LAMC1: variants seen among roughly 807,000 people sequenced by gnomAD.
LAMC1 encodes the protein laminin subunit gamma-1.
Under a neutral mutation model 173.6 loss-of-function variants are expected in LAMC1, and 38 were observed. That is an observed-to-expected ratio of 0.22 (90% CI 0.17 to 0.29). The LOEUF is 0.29. LAMC1 is among the 10% of genes least tolerant of loss of function. The pLI, the probability that LAMC1 is intolerant of heterozygous loss-of-function variation, is 1.00. For missense variants in LAMC1, 1,824 were observed against 2,051.8 expected, an observed-to-expected ratio of 0.89 and a Z score of 2.14; for synonymous variants, 746 against 749.1, an observed-to-expected ratio of 1.00 and a Z score of 0.07.
At chr1:183,055,946 AAG>A (rs1558034460) in intron 1 of LAMC1, among the ~76,000 whole-genome samples, 1 of 152,220 alleles carries the variant, frequency 6.6e-6, no homozygotes. Context: ...CACCTTTTGG[AAG>A]AGAGAGATTA....
chr1:183,077,026 C>T (rs563042450), intron 1 of LAMC1, among the ~76,000 whole-genome samples: 42 of 152,268 alleles, frequency 2.8e-4, no homozygotes, highest in African/African-American at 7.9e-4. Flanking sequence ...GCCAAGATTG[C>T]GTTTCATGAG....
intron 1 of LAMC1, among the ~76,000 whole-genome samples, chr1:183,072,307 G>GT (rs1373550650): frequency 6.6e-6 from 1 of 152,168 alleles, no homozygotes; most frequent in East Asian, 1.9e-4. Flanking sequence ...TCAAGTGTTC[G>GT]TTGCAGGGTC....
chr1:183,113,043 G>A (rs1294294694), intron 4 of LAMC1, among the ~76,000 whole-genome samples: 1 of 152,188 alleles, frequency 6.6e-6, no homozygotes, highest in Non-Finnish European at 1.5e-5. Flanking sequence ...AGGCATGGTG[G>A]CATGTGCCTG....
chr1:183,126,361 A>G, intron 16 of LAMC1, 99 bp downstream of exon 16: 8 of 1,265,016 alleles, frequency 6.3e-6, no homozygotes, highest in Non-Finnish European at 7.8e-6. Context: ...TAGCCACTTG[A>G]CTCATAGTCA....
chr1:183,057,105 C>T (rs1390933185), intron 1 of LAMC1, among the ~76,000 whole-genome samples: 4 of 152,142 alleles, frequency 2.6e-5, no homozygotes, highest in East Asian at 1.9e-4. Flanking sequence ...AAATGCAATC[C>T]GTATTGAGAT....
At chr1:183,075,768 C>G (rs1318200101) in intron 1 of LAMC1, among the ~76,000 whole-genome samples, 1 of 152,174 alleles carries the variant, frequency 6.6e-6, no homozygotes, top group African/African-American at 2.4e-5. Context: ...TAGCCCATTT[C>G]AAGTGTTGTG....
chr1:183,069,179 T>G (rs1362084797), intron 1 of LAMC1, among the ~76,000 whole-genome samples: 1 of 152,202 alleles, frequency 6.6e-6, no homozygotes, highest in Non-Finnish European at 1.5e-5. Flanking sequence ...TTGTCAGGAC[T>G]CTGGGTCCAT....
intron 1 of LAMC1, 33 bp downstream of exon 1, chr1:183,024,167 C>T: frequency 6.6e-7 from 1 of 1,508,232 alleles, no homozygotes; most frequent in Non-Finnish European, 8.9e-7. Flanking sequence ...CCTGCTACTG[C>T]TCGCCAGCAG....
intron 13 of LAMC1, among the ~76,000 whole-genome samples, chr1:183,123,133 A>T (rs1437382288): frequency 1.3e-5 from 2 of 152,126 alleles, no homozygotes; most frequent in Non-Finnish European, 2.9e-5. Context: ...ATCTTAGTAA[A>T]TATGCTGCCA....
chr1:183,138,363 A>G (rs1299096393), intron 26 of LAMC1: 2 of 188,736 alleles, frequency 1.1e-5, no homozygotes, highest in African/African-American at 4.8e-5. Flanking sequence ...GGATGGCCCA[A>G]GGAAGAACTA....
intron 8 of LAMC1, 30 bp from the exon 9 acceptor site, chr1:183,117,290 A>G: frequency 1.3e-6 from 2 of 1,590,946 alleles, no homozygotes; most frequent in Non-Finnish European, 1.7e-6. Flanking sequence ...TACAGTGTAA[A>G]GTGCTTGTGT....
At chr1:183,130,052 TG>T (rs1244656654) in intron 18 of LAMC1, among the ~76,000 whole-genome samples, 6 of 152,156 alleles carry the variant, frequency 3.9e-5, no homozygotes, top group Non-Finnish European at 7.3e-5. Context: ...AAACATTCCT[TG>T]GGTGTCTTCT....
Position 183,128,576 on chromosome 1 carries a change from TTTC to T in LAMC1, c.3124-12_3124-10del, listed in dbSNP as rs1174699887. 1.3e-6 allele frequency: 2 copies of T among 1,598,450 alleles called. No homozygotes were observed. The highest frequency in any genetic ancestry group is 3.4e-5 in the Admixed American group (2 of 59,638). On this transcript the variant is annotated splice_polypyrimidine_tract_variant and intron_variant, in intron 17 of 27. Coordinates refer to ENST00000258341, the MANE Select transcript of LAMC1 (RefSeq NM_002293.4). ...TTGTGTGTCCTACCTTTCCCTTTTCTTTCTTCTTTATGTTTAGGTTGCTGATCA... is the reference window on the plus strand; with the variant it reads ...TTGTGTGTCCTACCTTTCCCTTTTCTTTCTTTATGTTTAGGTTGCTGATCA...
chr1:183,068,389 A>G (rs1204139554), intron 1 of LAMC1, among the ~76,000 whole-genome samples: 1 of 152,240 alleles, frequency 6.6e-6, no homozygotes, highest in Non-Finnish European at 1.5e-5. Context: ...GTGCTAAGCA[A>G]ATTACTAATT....
intron 4 of LAMC1, among the ~76,000 whole-genome samples, chr1:183,112,315 C>G (rs1213381929): frequency 6.6e-6 from 1 of 152,216 alleles, no homozygotes; most frequent in East Asian, 1.9e-4. Context: ...TATGTGGCAT[C>G]TAAATAAATG....
At chr1:183,065,166 G>A (rs1417630433) in intron 1 of LAMC1, among the ~76,000 whole-genome samples, 1 of 152,088 alleles carries the variant, frequency 6.6e-6, no homozygotes, top group African/African-American at 2.4e-5. Flanking sequence ...CCAAAAGATA[G>A]GAAAAGGTAC....
chr1:183,132,348 T>C (rs1571463374), intron 20 of LAMC1, 52 bp from the exon 21 acceptor site: 2 of 1,383,322 alleles, frequency 1.4e-6, no homozygotes, highest in Non-Finnish European at 2.0e-6. Context: ...ATTTTACTTA[T>C]GTCCCTATCA....
chr1:183,115,483 C>T (rs978102742), intron 5 of LAMC1, 37 bp from the exon 6 acceptor site: 10 of 1,422,602 alleles, frequency 7.0e-6, no homozygotes, highest in East Asian at 2.3e-5. Flanking sequence ...CGTATCTGGC[C>T]GAATTTTTGT....
At chr1:183,089,586 A>G (rs1655515966) in intron 1 of LAMC1, among the ~76,000 whole-genome samples, 2 of 152,246 alleles carry the variant, frequency 1.3e-5, no homozygotes, top group African/African-American at 4.8e-5. Context: ...ATAAATTTAA[A>G]GAAGTTTCTG....
Sources: allele counts gnomAD v4.1 joint callset (sites outside exome capture counted in the v4.1 genomes callset), GRCh38; gene constraint gnomAD v4.1.1; transcripts MANE v1.5; gene names NCBI Gene and HGNC (gene_info 2026-07-23, HGNC 2026-07-21).